RANBP2: variants seen among roughly 807,000 people sequenced by gnomAD.
The protein encoded by RANBP2 is E3 SUMO-protein ligase RanBP2.
Under a neutral mutation model 303.6 loss-of-function variants are expected in RANBP2, and 57 were observed. That is an observed-to-expected ratio of 0.19 (90% CI 0.15 to 0.23). The LOEUF (loss-of-function observed/expected upper bound fraction) is 0.23. Among genes scored for constraint, RANBP2 ranks in the 10% least tolerant of loss-of-function variants. The probability of loss-of-function intolerance (pLI) is 1.00; values close to 1 mark genes in which losing one functional copy is unlikely to be tolerated. For synonymous variants in RANBP2, 1,167 were observed against 1,301.5 expected (o/e 0.90, Z 2.23); for missense variants, 3,138 against 3,780.8 (o/e 0.83, Z 4.46).
At chr2:108,864,947 A>G in the RANBP2 span, among the ~76,000 whole-genome samples, 3 of 152,098 alleles carry the variant, frequency 2.0e-5, no homozygotes, top group African/African-American at 7.2e-5. Context: ...GGCAAGAGTG[A>G]GGCCCTGTTT....
chr2:108,894,167 T>TAAGA, the RANBP2 span, among the ~76,000 whole-genome samples: 1 of 152,204 alleles, frequency 6.6e-6, no homozygotes, highest in Admixed American at 6.5e-5. Context: ...CATTGAATTT[T>TAAGA]AAGACAAGAC....
chr2:109,449,554 C>G, the RANBP2 span: 5 of 1,551,828 alleles, frequency 3.2e-6, no homozygotes, highest in Non-Finnish European at 4.4e-6. Context: ...CTTTTTGGCA[C>G]TAGATGGCAG....
chr2:109,613,797 C>A, the RANBP2 span: 2 of 1,231,854 alleles, frequency 1.6e-6, no homozygotes, highest in Admixed American at 4.2e-5. Flanking sequence ...GCGGGACTCA[C>A]CAGGTGCCGC....
the RANBP2 span, among the ~76,000 whole-genome samples, chr2:109,692,266 G>A: frequency 2.6e-5 from 4 of 152,080 alleles, no homozygotes; most frequent in East Asian, 7.7e-4. Flanking sequence ...TAAAACAGAA[G>A]GCAGAGAGGG....
At chr2:108,725,571 C>T (rs1447815526) in intron 1 of RANBP2, among the ~76,000 whole-genome samples, 1 of 152,128 alleles carries the variant, frequency 6.6e-6, no homozygotes, top group East Asian at 1.9e-4. Context: ...ACCATCTTGG[C>T]CAACATGGTG....
the RANBP2 span, among the ~76,000 whole-genome samples, chr2:109,325,331 C>CTTTTTTTTTTTTTTTTT: frequency 4.5e-5 from 3 of 66,256 alleles, no homozygotes; most frequent in South Asian, 7.2e-4. Flanking sequence ...TTCTTTCTTT[C>CTTTTTTTTTTTTTTTTT]TTTTTTTTTT....
chr2:109,151,093 G>A, the RANBP2 span, among the ~76,000 whole-genome samples: 1 of 152,204 alleles, frequency 6.6e-6, no homozygotes. Context: ...CCACACCAAT[G>A]TATTTGCCCT....
the RANBP2 span, among the ~76,000 whole-genome samples, chr2:108,938,729 T>G: frequency 6.6e-6 from 1 of 151,898 alleles, no homozygotes; most frequent in African/African-American, 2.4e-5. Context: ...ATCAGAAAAG[T>G]TATCATAACT....
At chr2:109,042,907 C>T in the RANBP2 span, among the ~76,000 whole-genome samples, 1 of 152,182 alleles carries the variant, frequency 6.6e-6, no homozygotes, top group Non-Finnish European at 1.5e-5. Flanking sequence ...TAACTACACA[C>T]ATATTTGAAA....
At chr2:108,936,650 C>G in the RANBP2 span, among the ~76,000 whole-genome samples, 1 of 152,224 alleles carries the variant, frequency 6.6e-6, no homozygotes, top group Non-Finnish European at 1.5e-5. Context: ...ACAGACCTCC[C>G]TTCCCTGTAG....
chr2:108,922,398 A>G, the RANBP2 span, among the ~76,000 whole-genome samples: 1 of 152,216 alleles, frequency 6.6e-6, no homozygotes, highest in Non-Finnish European at 1.5e-5. Context: ...GGCCAGGAAA[A>G]TGGCTTTGAA....
At chr2:109,416,521 A>C in the RANBP2 span, among the ~76,000 whole-genome samples, 1 of 152,154 alleles carries the variant, frequency 6.6e-6, no homozygotes, top group Non-Finnish European at 1.5e-5. Flanking sequence ...AGTAGCTGGG[A>C]TTACAGGCGT....
the RANBP2 span, chr2:108,894,628 A>C: frequency 6.6e-6 from 1 of 152,632 alleles, no homozygotes; most frequent in Admixed American, 6.5e-5. Context: ...AGAATTATGA[A>C]TATCTCCACA....
the RANBP2 span, among the ~76,000 whole-genome samples, chr2:109,375,458 C>G: frequency 6.6e-6 from 1 of 152,232 alleles, no homozygotes; most frequent in African/African-American, 2.4e-5. Context: ...AGGAGTGGGC[C>G]TGGCCTCTCA....
chr2:109,225,427 G>C, the RANBP2 span, among the ~76,000 whole-genome samples: 1 of 152,146 alleles, frequency 6.6e-6, no homozygotes, highest in African/African-American at 2.4e-5. Context: ...GTTTCACAAC[G>C]ATTCTCACAC....
chr2:109,529,794 T>C, the RANBP2 span, among the ~76,000 whole-genome samples: 1 of 152,104 alleles, frequency 6.6e-6, no homozygotes. Context: ...GTGGGGGCTG[T>C]GGAGCCCCTT....
chr2:109,244,697 G>T, the RANBP2 span, among the ~76,000 whole-genome samples: 1 of 152,214 alleles, frequency 6.6e-6, no homozygotes, highest in African/African-American at 2.4e-5. Flanking sequence ...ATTATCTGCA[G>T]CACTGAGAAT....
chr2:109,001,127 G>T, the RANBP2 span, among the ~76,000 whole-genome samples: 2 of 152,120 alleles, frequency 1.3e-5, no homozygotes, highest in African/African-American at 2.4e-5. Flanking sequence ...TGAGTGGCTC[G>T]TATAAGAAAA....
At chr2:109,446,924 C>A in the RANBP2 span, among the ~76,000 whole-genome samples, 1 of 151,958 alleles carries the variant, frequency 6.6e-6, no homozygotes, top group Non-Finnish European at 1.5e-5. Context: ...TGTCACCCCC[C>A]TTCCAGGGAC....
Sources: gnomAD v4.1 joint callset for allele counts (sites outside exome capture counted in the v4.1 genomes callset) on GRCh38, gnomAD v4.1.1 for gene constraint, MANE v1.5 for transcripts, NCBI Gene and HGNC (gene_info 2026-07-23, HGNC 2026-07-21) for gene names.